MYH13: variants seen among roughly 807,000 people sequenced by gnomAD.
The protein encoded by MYH13 is myosin heavy chain 13.
MYH13 carries 177 observed loss-of-function variants against 232.1 expected under a neutral mutation model. That is an observed-to-expected ratio of 0.76 (90% CI 0.67 to 0.86). The LOEUF (loss-of-function observed/expected upper bound fraction) is 0.86. MYH13 is among the 40% of genes least tolerant of loss of function. The probability of loss-of-function intolerance (pLI) is 0.00; values close to 1 mark genes in which losing one functional copy is unlikely to be tolerated. For missense variants in MYH13, 2,246 were observed against 2,405.9 expected (o/e 0.93, Z 1.39); for synonymous variants, 884 against 923.5 (o/e 0.96, Z 0.78).
rs1321003018 is a variant in MYH13, at chr17:10,340,223, T to C, written c.1983A>G (p.Lys661=). 4 of 1,614,038 alleles carry C rather than the reference T, an allele frequency of 2.5e-6. No individual in the cohort carries two copies. The highest frequency in any genetic ancestry group is 3.4e-6 in the Non-Finnish European group (4 of 1,179,908). The change falls in exon 18 of 41, where the codon AAA becomes AAG. Residue 661 remains lysine, a synonymous_variant. Transcript: ENST00000252172. The stretch of plus-strand genomic sequence containing the variant: ...GGGTGCTCCTTAAGTTAGTCATCAA[T>C]TTGTTTAAATTTTCCTGGGACATAA... The part of the protein sequence containing the change: ...VSAVFRENLN[K]LMTNLRSTHP...
Position 10,364,481 on chromosome 17 carries a change from A to G in MYH13, c.50T>C (p.Leu17Pro). 1.2e-6 allele frequency: 2 copies of G among 1,610,868 alleles called. No individual in the cohort carries two copies. The highest frequency in any genetic ancestry group is 1.3e-5 in the African/African-American group (1 of 74,982). Reference protein sequence around the residue: ...MAIFGEAAPYLRKPEKERIEA... With the variant: ...MAIFGEAAPYPRKPEKERIEA... The stretch of plus-strand genomic sequence containing the variant: ...GATTCTCTCCTTCTCTGGTTTCCGG[A>G]GGTAGGGAGCTGCTTCTCCAAAAAT... The change falls in exon 3 of 41, where the codon CTC becomes CCC. Residue 17 changes from leucine (L) to proline (P), a missense_variant. By Grantham distance (98) the Leu-to-Pro change is moderately conservative (BLOSUM62 -3). Transcript: ENST00000252172.
At chr17:10,346,186 C>T (rs559214184) in intron 13 of MYH13, among the ~76,000 whole-genome samples, 1 of 152,216 alleles carries the variant, frequency 6.6e-6, no homozygotes, top group East Asian at 1.9e-4. Context: ...CACATGACTC[C>T]AGCCCCTGGC....
intron 11 of MYH13, among the ~76,000 whole-genome samples, chr17:10,354,231 G>A (rs1261147938): frequency 6.6e-6 from 1 of 152,218 alleles, no homozygotes; most frequent in Non-Finnish European, 1.5e-5. Context: ...GAGGAGCTGA[G>A]TGTCTAAGGT....
chr17:10,329,912 A>G (rs1472945105), intron 21 of MYH13, among the ~76,000 whole-genome samples: 1 of 152,020 alleles, frequency 6.6e-6, no homozygotes, highest in Admixed American at 6.6e-5. Flanking sequence ...AGGCGGGAGA[A>G]TCGCTTGAAC....
chr17:10,313,635 A>T (rs1906600449), intron 29 of MYH13, among the ~76,000 whole-genome samples: 1 of 152,204 alleles, frequency 6.6e-6, no homozygotes, highest in South Asian at 2.1e-4. Flanking sequence ...CAATGGAAAT[A>T]AAGCAATGTT....
At chr17:10,334,236 A>G (rs977789856) in intron 18 of MYH13, among the ~76,000 whole-genome samples, 2 of 152,122 alleles carry the variant, frequency 1.3e-5, no homozygotes, top group African/African-American at 4.8e-5. Flanking sequence ...TGGTGGGGCC[A>G]AGGCTGGCTT....
At chr17:10,365,677 C>A (rs1219551639) in intron 2 of MYH13, among the ~76,000 whole-genome samples, 3 of 152,154 alleles carry the variant, frequency 2.0e-5, no homozygotes, top group African/African-American at 7.2e-5. Context: ...GGGATCAGCA[C>A]CTGCTTTTTA....
Position 10,315,796 on chromosome 17 carries a change from C to T in MYH13, c.3881G>A (p.Arg1294Gln), listed in dbSNP as rs17690195. 257,626 of 1,613,796 alleles carry T rather than the reference C, an allele frequency of 0.16. 21,506 individuals are homozygous for T. The highest frequency in any genetic ancestry group is 0.24 in the South Asian group (21,849 of 91,074). Residue 1294 changes from arginine to glutamine, a missense_variant, in exon 29 of 41, where the codon CGA becomes CAA. Transcript: ENST00000252172. ...AATCAGAGACTCCTTCTCTTCCACT[C>T]GGTGGCTCAGCTCCCCTACCAAACA... ...LQTQNGELSH[R>Q]VEEKESLISQ...
At chr17:10,316,118 A>C (rs2142227379) in intron 27 of MYH13, 93 bp from the exon 28 acceptor site, 2 of 1,431,648 alleles carry the variant, frequency 1.4e-6, no homozygotes, top group South Asian at 1.3e-5. Flanking sequence ...GTTTCTTGTC[A>C]GGTAAAATAA....
At chr17:10,324,336 C>G (rs546166025) in intron 22 of MYH13, 72 bp from the exon 23 acceptor site, 2 of 1,573,040 alleles carry the variant, frequency 1.3e-6, no homozygotes, top group African/African-American at 2.7e-5. Context: ...GTATCACCCT[C>G]TAAAAGCTTA....
At chr17:10,313,846 A>G (rs1167449730) in intron 29 of MYH13, among the ~76,000 whole-genome samples, 1 of 152,230 alleles carries the variant, frequency 6.6e-6, no homozygotes, top group Non-Finnish European at 1.5e-5. Flanking sequence ...GAATGCTGTG[A>G]CCAGGAGAAG....
chr17:10,325,301 C>T (rs1907162980), intron 22 of MYH13, among the ~76,000 whole-genome samples: 1 of 152,196 alleles, frequency 6.6e-6, no homozygotes, highest in Non-Finnish European at 1.5e-5. Context: ...AGTTTCAAAA[C>T]ATTACTATCT....
intron 15 of MYH13, 111 bp downstream of exon 15, chr17:10,345,091 G>T: frequency 1.9e-6 from 3 of 1,549,970 alleles, no homozygotes. Context: ...CTATCTGAAG[G>T]CTTGCAGCCT....
chr17:10,363,830 T>C (rs2071812239), intron 3 of MYH13, among the ~76,000 whole-genome samples: 1 of 152,230 alleles, frequency 6.6e-6, no homozygotes, highest in South Asian at 2.1e-4. Flanking sequence ...ACCTGCCATA[T>C]ACATCTTTGG....
chr17:10,362,572 T>C, intron 3 of MYH13, 69 bp from the exon 4 acceptor site: 1 of 1,589,788 alleles, frequency 6.3e-7, no homozygotes, highest in African/African-American at 1.3e-5. Flanking sequence ...TTTACTGGTG[T>C]GGTGGAAGTA....
intron 16 of MYH13, among the ~76,000 whole-genome samples, chr17:10,341,950 T>A (rs928720371): frequency 6.6e-6 from 1 of 152,212 alleles, no homozygotes; most frequent in Non-Finnish European, 1.5e-5. Context: ...TTATTAAATG[T>A]ATGCATTTAA....
intron 18 of MYH13, among the ~76,000 whole-genome samples, chr17:10,334,731 T>C (rs558810798): frequency 2.1e-4 from 32 of 151,854 alleles, no homozygotes; most frequent in Non-Finnish European, 3.8e-4. Context: ...ATACAAAAAT[T>C]AGCCGGGCGT....
intron 2 of MYH13, among the ~76,000 whole-genome samples, chr17:10,365,145 G>A (rs1286700897): frequency 6.6e-6 from 1 of 152,166 alleles, no homozygotes; most frequent in Non-Finnish European, 1.5e-5. Context: ...AAAGTGCTGG[G>A]ATTACAGGCG....
intron 15 of MYH13, 37 bp downstream of exon 15, chr17:10,345,165 T>A: frequency 4.3e-6 from 7 of 1,613,756 alleles, no homozygotes; most frequent in Non-Finnish European, 5.1e-6. Flanking sequence ...GGGCCCCCAA[T>A]AAGGAGGAGC....
Sources: gnomAD v4.1 joint callset for allele counts (sites outside exome capture counted in the v4.1 genomes callset) on GRCh38, gnomAD v4.1.1 for gene constraint, MANE v1.5 for transcripts, NCBI Gene and HGNC (gene_info 2026-07-23, HGNC 2026-07-21) for gene names.